LPIN1: variants seen among roughly 807,000 people sequenced by gnomAD.
LPIN1 encodes phosphatidate phosphatase LPIN1.
LPIN1 carries 71 observed loss-of-function variants against 107.5 expected under a neutral mutation model. That is an observed-to-expected ratio of 0.66 (90% CI 0.55 to 0.80). The LOEUF (loss-of-function observed/expected upper bound fraction) is 0.80. LPIN1 is among the 30% of genes least tolerant of loss of function. LPIN1 has a pLI of 0.00. For synonymous variants in LPIN1, 445 were observed against 452.6 expected (o/e 0.98, Z 0.21); for missense variants, 1,043 against 1,160.6 (o/e 0.90, Z 1.47).
At chr2:11,773,775 T>C (rs566801984) in intron 5 of LPIN1, 30 bp downstream of exon 5, 2 of 1,612,738 alleles carry the variant, frequency 1.2e-6, no homozygotes, top group Non-Finnish European at 1.7e-6. Context: ...CCTGGCCCAG[T>C]GCAGAGGCTT....
At chr2:11,787,823 T>C (rs1233659607) in intron 11 of LPIN1, among the ~76,000 whole-genome samples, 1 of 151,660 alleles carries the variant, frequency 6.6e-6, no homozygotes, top group Non-Finnish European at 1.5e-5. Flanking sequence ...CGCCTGTAGT[T>C]CCAGCTACTC....
chr2:11,815,678 C>T (rs902022718), intron 18 of LPIN1, among the ~76,000 whole-genome samples: 1 of 152,078 alleles, frequency 6.6e-6, no homozygotes, highest in African/African-American at 2.4e-5. Context: ...CTTAGGGATC[C>T]TTAAGTGGCC....
intron 1 of LPIN1, among the ~76,000 whole-genome samples, chr2:11,726,512 C>T (rs781239050): frequency 1.3e-5 from 2 of 151,928 alleles, no homozygotes; most frequent in South Asian, 2.1e-4. Flanking sequence ...TCCTGGTTGT[C>T]GTCCAAAGCT....
In LPIN1 at chr2:11,786,314, C is replaced by G. The variant is rs543019260; in HGVS notation, c.1550-760C>G. The stretch of plus-strand genomic sequence containing the variant: ...TCAGTGTCTGATGTCTGCTGGGTTT[C>G]GGTTCGGTTCAGGGTAAATAGGAGC... On this transcript the variant is annotated intron_variant, in intron 10 of 20. Transcript: ENST00000674199. This position sits in a 1 kb window ranked among gnomAD's most constrained non-coding sequence, Gnocchi z 4.1. 6.6e-6 allele frequency among the ~76,000 whole-genome samples: 1 copy of G among 152,110 alleles called. No individual in the cohort carries two copies. Among genetic ancestry groups the G allele is most frequent in the African/African-American group, 2.4e-5 (1 of 41,420 alleles).
intron 1 of LPIN1, among the ~76,000 whole-genome samples, chr2:11,731,238 C>A (rs1306830000): frequency 1.3e-5 from 2 of 152,108 alleles, no homozygotes; most frequent in African/African-American, 4.8e-5. Flanking sequence ...GTCCCCCACC[C>A]CCTGACTGGC....
chr2:11,708,157 G>T (rs1663219457), intron 1 of LPIN1, among the ~76,000 whole-genome samples: 1 of 152,184 alleles, frequency 6.6e-6, no homozygotes, highest in Non-Finnish European at 1.5e-5. Flanking sequence ...TCTGCCTTCA[G>T]CCACCCAGGG....
chr2:11,768,830 G>A (rs1380096253), intron 3 of LPIN1, among the ~76,000 whole-genome samples: 4 of 152,266 alleles, frequency 2.6e-5, no homozygotes, highest in East Asian at 3.9e-4. Context: ...CAGCTACTCC[G>A]GAGACTGAGG....
Position 11,785,058 on chromosome 2 carries a change from C to T in LPIN1, c.1531C>T (p.His511Tyr). Residue 511 changes from histidine to tyrosine, a missense_variant, in exon 10 of 21, where the codon CAC becomes TAC. His to Tyr is a moderately conservative substitution (Grantham distance 83, BLOSUM62 2). Coordinates refer to ENST00000674199, the MANE Select transcript of LPIN1 (RefSeq NM_001349206.2). The stretch of plus-strand genomic sequence containing the variant: ...CTCCCTCTGCGGGGGCCTCAGCGAC[C>T]ACCGGGAGATCACGAAAGGTACCGC... ...AISLCGGLSD[H>Y]REITKDAFLE... 1.3e-6 allele frequency: 2 copies of T among 1,586,946 alleles called. No homozygotes were observed. Among genetic ancestry groups the T allele is most frequent in the Non-Finnish European group, 1.7e-6 (2 of 1,168,910 alleles).
chr2:11,778,267 C>T (rs1363969350), intron 6 of LPIN1, among the ~76,000 whole-genome samples: 4 of 152,202 alleles, frequency 2.6e-5, no homozygotes, highest in Non-Finnish European at 5.9e-5. Context: ...CCCAGGCAGG[C>T]GAAAGAGAGC....
chr2:11,789,528 A>G (rs901768298), intron 12 of LPIN1, among the ~76,000 whole-genome samples: 1 of 148,584 alleles, frequency 6.7e-6, no homozygotes, highest in African/African-American at 2.5e-5. Context: ...GTGGATGTGC[A>G]CATGTGTGCG....
In LPIN1 at chr2:11,786,965, T is replaced by A. The variant is rs1176801121; in HGVS notation, c.1550-109T>A. On this transcript the variant is annotated intron_variant, in intron 10 of 20. Coordinates refer to ENST00000674199, the MANE Select transcript of LPIN1 (RefSeq NM_001349206.2). The surrounding 1 kb of genome is among the most constrained non-coding windows in gnomAD (Gnocchi z 4.1). Reference sequence around the variant, plus strand: ...TATAGGATTGTCTGCACAGTTGGAATGCACAAACTCTCAGAAAACACTTGT... The same window carrying A: ...TATAGGATTGTCTGCACAGTTGGAAAGCACAAACTCTCAGAAAACACTTGT... 3.9e-6 allele frequency: 3 copies of A among 778,810 alleles called. No individual in the cohort carries two copies. The highest frequency in any genetic ancestry group is 1.4e-5 in the South Asian group (1 of 71,476). The allele number at this position is 778,810 out of a possible 1,614,324, so 48.2% of individuals were successfully genotyped here.
At chr2:11,716,560 T>C (rs1663754546) in intron 2 of LPIN1, among the ~76,000 whole-genome samples, 1 of 151,870 alleles carries the variant, frequency 6.6e-6, no homozygotes, top group African/African-American at 2.4e-5. Context: ...AGTCTTTTCC[T>C]TCTGGAGTTC....
At chr2:11,822,972 G>A (rs2148739602) in intron 20 of LPIN1, 1 of 152,356 alleles carries the variant, frequency 6.6e-6, no homozygotes, top group African/African-American at 2.4e-5. Context: ...CACCTGGACT[G>A]GAGGCGGGGT....
At chr2:11,809,333 G>C (rs2148710710) in intron 17 of LPIN1, among the ~76,000 whole-genome samples, 2 of 152,286 alleles carry the variant, frequency 1.3e-5, no homozygotes, top group African/African-American at 4.8e-5. Context: ...TGTTTCCCGA[G>C]GTTCGTTAGC....
intron 1 of LPIN1, among the ~76,000 whole-genome samples, chr2:11,706,284 C>T (rs1663126131): frequency 6.6e-6 from 1 of 152,124 alleles, no homozygotes; most frequent in Non-Finnish European, 1.5e-5. Context: ...CAGGGTGGTA[C>T]AGGGAGGTGT....
chr2:11,783,819 G>A lies in LPIN1; in HGVS notation c.1265-10G>A. The A allele has an allele frequency of 1.9e-6, 3 of 1,611,936 alleles. No individual in the cohort carries two copies. The highest frequency in any genetic ancestry group is 2.5e-6 in the Non-Finnish European group (3 of 1,177,992). ...AGTGGTTTTCTGACTTGAGCCATTT[G>A]CCGTTTTAGATAAACGAAGCCGACA... On this transcript the variant is annotated splice_polypyrimidine_tract_variant and intron_variant, in intron 8 of 20. Transcript: ENST00000674199.
At chr2:11,745,768 C>T (rs1165389568), upstream of LPIN1, 2 of 152,476 alleles carry the variant, frequency 1.3e-5, no homozygotes, top group East Asian at 1.9e-4. Flanking sequence ...CCTTGGCCTA[C>T]AAGACCTGAA....
intron 1 of LPIN1, among the ~76,000 whole-genome samples, chr2:11,746,936 G>T (rs1027104527): frequency 2.0e-5 from 3 of 152,238 alleles, no homozygotes; most frequent in African/African-American, 7.2e-5. Context: ...GCGCCGCGAG[G>T]CCCGGTGTGG....
At chr2:11,811,852 GT>G (rs1384267945) in intron 17 of LPIN1, among the ~76,000 whole-genome samples, 6 of 152,146 alleles carry the variant, frequency 3.9e-5, no homozygotes, top group Non-Finnish European at 5.9e-5. Flanking sequence ...GGGCGTGGTA[GT>G]GCATGCCTGT....
Sources: allele counts gnomAD v4.1 joint callset (sites outside exome capture counted in the v4.1 genomes callset), GRCh38; gene constraint gnomAD v4.1.1; non-coding constraint Gnocchi (gnomAD v3.1); transcripts MANE v1.5; gene names NCBI Gene and HGNC (gene_info 2026-07-23, HGNC 2026-07-21).